Variants in OSBPL10 observed in about 807,000 individuals in gnomAD.
OSBPL10 encodes the protein oxysterol-binding protein-related protein 10.
Under a neutral mutation model 81.7 loss-of-function variants are expected in OSBPL10, and 49 were observed. That is an observed-to-expected ratio of 0.60 (90% confidence interval 0.48 to 0.76). OSBPL10 has a LOEUF of 0.76. Ranked by LOEUF, OSBPL10 falls within the 30% of genes least tolerant of loss-of-function variation. The pLI, the probability that OSBPL10 is intolerant of heterozygous loss-of-function variation, is 0.00. For synonymous variants in OSBPL10, 419 were observed against 383.6 expected (o/e 1.09, Z -1.08); for missense variants, 923 against 987.8 (o/e 0.93, Z 0.88).
chr3:31,665,555 G>C (rs1470703360), intron 10 of OSBPL10, among the ~76,000 whole-genome samples: 2 of 152,152 alleles, frequency 1.3e-5, no homozygotes, highest in East Asian at 1.9e-4. Context: ...ACCTCCTGGG[G>C]GTACAGATGC....
chr3:31,999,984 G>A (rs536585849), intron 2 of OSBPL10, among the ~76,000 whole-genome samples: 1 of 152,222 alleles, frequency 6.6e-6, no homozygotes, highest in South Asian at 2.1e-4. Context: ...TAAATATCTA[G>A]TGGTGCGGCC....
intron 2 of OSBPL10, among the ~76,000 whole-genome samples, chr3:32,036,695 T>C (rs923901278): frequency 1.3e-5 from 2 of 152,042 alleles, no homozygotes; most frequent in Admixed American, 6.6e-5. Flanking sequence ...TGGTAGCTCA[T>C]GCCTGTAGTC....
intron 1 of OSBPL10, chr3:31,919,466 C>A (rs1696852071): frequency 6.6e-6 from 1 of 152,160 alleles, no homozygotes; most frequent in Admixed American, 6.5e-5. Context: ...GACTGGAAAT[C>A]CAACCAACAG....
At chr3:31,740,788 GAAA>G (rs146640647) in intron 5 of OSBPL10, among the ~76,000 whole-genome samples, 1 of 142,902 alleles carries the variant, frequency 7.0e-6, no homozygotes, top group African/African-American at 2.8e-5. Flanking sequence ...TCAAAAAAAA[GAAA>G]AAAAGAAAGA....
At chr3:31,773,006 T>C (rs1182543997) in intron 4 of OSBPL10, among the ~76,000 whole-genome samples, 1 of 152,094 alleles carries the variant, frequency 6.6e-6, no homozygotes, top group Non-Finnish European at 1.5e-5. Flanking sequence ...CAAACTTTTT[T>C]TTTTTTTTTT....
intron 3 of OSBPL10, among the ~76,000 whole-genome samples, chr3:31,873,882 G>T (rs1338162480): frequency 6.6e-6 from 1 of 152,122 alleles, no homozygotes; most frequent in African/African-American, 2.4e-5. Context: ...GAATAATAAG[G>T]TCTGTTCACA....
At position 31,899,811 on chromosome 3, in the gene OSBPL10, C is replaced by T. The variant is rs904954465; in HGVS notation, c.282-19981G>A. On this transcript the variant is annotated intron_variant, in intron 1 of 11. Transcript: ENST00000396556. ...GCTTGGGCAACAGAGTGAGACCCCA[C>T]CTCTACAAAAAAAATTTTTTTAATT... is the stretch of plus-strand genomic sequence containing the variant. Among the ~76,000 whole-genome samples, 8 of 152,070 alleles carry T rather than the reference C, an allele frequency of 5.3e-5. No individual in the cohort carries two copies. In the East Asian group the frequency reaches 1.6e-3, roughly 29 times the overall value.
chr3:31,884,823 G>C (rs989872022), intron 1 of OSBPL10, among the ~76,000 whole-genome samples: 1 of 152,174 alleles, frequency 6.6e-6, no homozygotes, highest in Non-Finnish European at 1.5e-5. Flanking sequence ...AAGCTACAGT[G>C]TGCAACTTGA....
chr3:32,050,300 C>T (rs950630686), intron 1 of OSBPL10, among the ~76,000 whole-genome samples: 1 of 152,208 alleles, frequency 6.6e-6, no homozygotes, highest in African/African-American at 2.4e-5. Flanking sequence ...AGCTTAGTAG[C>T]TAAGGCTTTC....
chr3:31,907,059 A>G (rs2125686438), intron 1 of OSBPL10: 1 of 152,294 alleles, frequency 6.6e-6, no homozygotes, highest in Non-Finnish European at 1.5e-5. Flanking sequence ...CTTAGGTCAT[A>G]GGTCACACCC....
rs748353940 is a variant in OSBPL10, at chr3:31,683,811, C to T, written c.1549G>A (p.Ala517Thr). 1.3e-5 allele frequency: 21 copies of T among 1,614,094 alleles called. No individual in the cohort carries two copies. The highest frequency in any genetic ancestry group is 6.7e-5 in the East Asian group (3 of 44,890). ...TTGTAGCTTTTGGAAGGGTCATCGG[C>T]CATTGGGTGTTCGTGACAGCTGGCA... ...SPASCHEHPM[A>T]DDPSKSYKLR... is the part of the protein sequence containing the mutation. The change falls in exon 8 of 12, where the codon GCC becomes ACC. Residue 517 changes from alanine to threonine, a missense_variant. Transcript: ENST00000396556.
intron 7 of OSBPL10, 51 bp downstream of exon 7, chr3:31,702,306 TAG>T (rs1422958703): frequency 1.3e-6 from 2 of 1,588,926 alleles, no homozygotes; most frequent in East Asian, 4.5e-5. Flanking sequence ...GGCTTGAGGA[TAG>T]AGACAGAACC....
intron 3 of OSBPL10, among the ~76,000 whole-genome samples, chr3:31,841,120 C>T (rs1301878064): frequency 6.6e-6 from 1 of 152,218 alleles, no homozygotes; most frequent in African/African-American, 2.4e-5. Flanking sequence ...GTTGGTCAGG[C>T]TGGTCTCAAA....
chr3:31,918,435 C>CCT (rs1696818527), intron 1 of OSBPL10, among the ~76,000 whole-genome samples: 1 of 151,904 alleles, frequency 6.6e-6, no homozygotes, highest in African/African-American at 2.4e-5. Context: ...CTCAAACGAT[C>CCT]CTCCTGCCTC....
intron 1 of OSBPL10, among the ~76,000 whole-genome samples, chr3:31,924,686 T>C (rs1359715383): frequency 6.6e-6 from 1 of 152,162 alleles, no homozygotes; most frequent in Non-Finnish European, 1.5e-5. Context: ...AAACTTTTTC[T>C]ACAAAGGCCC....
rs543244512 is a variant in OSBPL10 at position 31,969,177 on chromosome 3, T to C, written c.281+11722A>G. Among the ~76,000 whole-genome samples the C allele has an allele frequency of 1.3e-4, 20 of 152,266 alleles. No homozygotes were observed. The East Asian group carries it at 3.3e-3, about 25-fold the overall frequency. On this transcript the variant is annotated intron_variant, in intron 1 of 11. Transcript: ENST00000396556. ...ACATTCCGCAAACGCATGATCCTAT[T>C]TCAGCCAAAGTCCACACTCTGAGGT...
chr3:31,753,119 G>C (rs2125707142), intron 4 of OSBPL10, among the ~76,000 whole-genome samples: 1 of 151,756 alleles, frequency 6.6e-6, no homozygotes, highest in Middle Eastern at 3.4e-3. Flanking sequence ...ATCAGTCCTT[G>C]GTTAACGTAG....
chr3:31,909,641 A>G (rs956221206), intron 1 of OSBPL10, among the ~76,000 whole-genome samples: 1 of 152,142 alleles, frequency 6.6e-6, no homozygotes, highest in Non-Finnish European at 1.5e-5. Context: ...CCACTTGGAC[A>G]CCCCAACGAT....
rs79065680 is a variant in OSBPL10, at chr3:32,030,005, A to T, written n.298+16486T>A. Among the ~76,000 whole-genome samples the T allele has an allele frequency of 8.7e-3, 1,332 of 152,326 alleles. 16 individuals carry two copies. Among genetic ancestry groups the T allele is most frequent in the African/African-American group, 0.03 (1,267 of 41,572 alleles). ...CATTTCCTGAAATTGCTTTCCACCC[A>T]GTTTCAAACATGACTCTATTAAGCC... On this transcript the variant is annotated intron_variant and non_coding_transcript_variant, in intron 2 of 3. Coordinates refer to the OSBPL10 transcript ENST00000479173.
Sources: allele counts gnomAD v4.1 joint callset (sites outside exome capture counted in the v4.1 genomes callset), GRCh38; gene constraint gnomAD v4.1.1; transcripts MANE v1.5; gene names NCBI Gene and HGNC (gene_info 2026-07-23, HGNC 2026-07-21).